COL8A1: variants seen among roughly 807,000 people sequenced by gnomAD.
The protein encoded by COL8A1 is collagen alpha-1(VIII) chain.
Under a neutral mutation model 42.7 loss-of-function variants are expected in COL8A1, and 21 were observed. That is an observed-to-expected ratio of 0.49 (90% CI 0.35 to 0.71). COL8A1 has a LOEUF of 0.71. COL8A1 is among the 30% of genes least tolerant of loss of function. The pLI is 0.01. For synonymous variants in COL8A1, 367 were observed against 369.1 expected (o/e 0.99, Z 0.06); for missense variants, 788 against 962.4 (o/e 0.82, Z 2.40).
intron 1 of COL8A1, among the ~76,000 whole-genome samples, chr3:99,651,554 A>G (rs1421554746): frequency 6.6e-6 from 1 of 152,254 alleles, no homozygotes; most frequent in African/African-American, 2.4e-5. Flanking sequence ...CTGGCTTACC[A>G]ACAGCCCTTC....
chr3:99,772,191 T>TCTTA (rs1941592720), intron 2 of COL8A1, among the ~76,000 whole-genome samples: 1 of 152,158 alleles, frequency 6.6e-6, no homozygotes, highest in Non-Finnish European at 1.5e-5. Context: ...CATGTAGGAA[T>TCTTA]CTTAAGTGCA....
intron 1 of COL8A1, among the ~76,000 whole-genome samples, chr3:99,718,734 T>C (rs929430070): frequency 2.0e-5 from 3 of 152,054 alleles, no homozygotes; most frequent in African/African-American, 7.2e-5. Context: ...AGATAAATGA[T>C]ATGGAATGTT....
chr3:99,646,219 A>T (rs1044823464), intron 1 of COL8A1, among the ~76,000 whole-genome samples: 4 of 152,016 alleles, frequency 2.6e-5, no homozygotes, highest in Non-Finnish European at 5.9e-5. Context: ...TTAGGACCAT[A>T]AAAAAAATCC....
intron 3 of COL8A1, among the ~76,000 whole-genome samples, chr3:99,792,011 G>C (rs924334320): frequency 6.6e-6 from 1 of 152,208 alleles, no homozygotes; most frequent in Non-Finnish European, 1.5e-5. Context: ...AGAACAGAGT[G>C]TGTTCCAGGC....
intron 2 of COL8A1, among the ~76,000 whole-genome samples, chr3:99,756,122 T>C (rs1053237211): frequency 1.3e-5 from 2 of 151,606 alleles, no homozygotes; most frequent in Non-Finnish European, 2.9e-5. Flanking sequence ...AGAAGAGATA[T>C]CGAGAATGTC....
intron 1 of COL8A1, among the ~76,000 whole-genome samples, chr3:99,699,966 G>T (rs1387221176): frequency 6.6e-6 from 1 of 152,140 alleles, no homozygotes; most frequent in Non-Finnish European, 1.5e-5. Flanking sequence ...ATAATTAGAT[G>T]AATAAAAAAC....
At chr3:99,785,259 C>A (rs572141797) in intron 2 of COL8A1, among the ~76,000 whole-genome samples, 1 of 152,232 alleles carries the variant, frequency 6.6e-6, no homozygotes, top group Non-Finnish European at 1.5e-5. Flanking sequence ...GTAGAATTTT[C>A]AATGGGGAGT....
intron 1 of COL8A1, among the ~76,000 whole-genome samples, chr3:99,740,788 A>G (rs1289779502): frequency 6.6e-6 from 1 of 152,356 alleles, no homozygotes; most frequent in African/African-American, 2.4e-5. Flanking sequence ...CTGTTCTGCT[A>G]TCATGTGCCC....
chr3:99,695,797 C>T lies in COL8A1; in HGVS notation c.-128-49100C>T, dbSNP rs904086212. ...TTCCTCGTTATATCTAGAATACTTG[C>T]CCCCAAGCCTGGCACATAAGAATCA... On this transcript the variant is annotated intron_variant, in intron 1 of 3. Transcript: ENST00000652472. Among the ~76,000 whole-genome samples, 4 of 152,126 alleles carry T rather than the reference C, an allele frequency of 2.6e-5. No homozygotes were observed. The South Asian group carries it at 8.3e-4, about 32-fold the overall frequency.
intron 2 of COL8A1, among the ~76,000 whole-genome samples, chr3:99,770,945 A>C (rs1215387516): frequency 6.6e-6 from 1 of 152,230 alleles, no homozygotes; most frequent in Non-Finnish European, 1.5e-5. Context: ...CAGAGTGGTC[A>C]AGGAAGTCTT....
chr3:99,654,084 C>G (rs1189501744), intron 1 of COL8A1, among the ~76,000 whole-genome samples: 1 of 152,140 alleles, frequency 6.6e-6, no homozygotes, highest in African/African-American at 2.4e-5. Context: ...AAGTCCAAGA[C>G]TCCAAAAGCT....
chr3:99,702,631 C>T lies in COL8A1; in HGVS notation c.-128-42266C>T, dbSNP rs560078912. Reference sequence around the variant, plus strand: ...AATGTCAGGTGTATCAGGTACTATTCTAAGTACTTTTATTCATTCATTTAT... The same window carrying T: ...AATGTCAGGTGTATCAGGTACTATTTTAAGTACTTTTATTCATTCATTTAT... On this transcript the variant is annotated intron_variant, in intron 1 of 3. Coordinates refer to ENST00000652472, the MANE Select transcript of COL8A1 (RefSeq NM_020351.4). Among the ~76,000 whole-genome samples, 5 of 152,284 alleles carry T rather than the reference C, an allele frequency of 3.3e-5. No individual in the cohort carries two copies. In the East Asian group the frequency reaches 9.7e-4, roughly 29 times the overall value.
intron 2 of COL8A1, among the ~76,000 whole-genome samples, chr3:99,782,026 A>C (rs1275126342): frequency 6.6e-6 from 1 of 152,184 alleles, no homozygotes; most frequent in African/African-American, 2.4e-5. Context: ...TGACTGCAGG[A>C]ATTTTTGAGC....
intron 1 of COL8A1, among the ~76,000 whole-genome samples, chr3:99,725,873 A>C (rs532535001): frequency 6.6e-6 from 1 of 152,084 alleles, no homozygotes; most frequent in South Asian, 2.1e-4. Flanking sequence ...CGCAATAAAC[A>C]TACGTGTGCA....
intron 1 of COL8A1, among the ~76,000 whole-genome samples, chr3:99,692,135 TCA>T (rs1274304388): frequency 1.3e-5 from 2 of 151,908 alleles, no homozygotes; most frequent in Admixed American, 1.3e-4. Context: ...CAACCCCTAC[TCA>T]CACACACCAA....
At chr3:99,652,574 T>C (rs922340685) in intron 1 of COL8A1, among the ~76,000 whole-genome samples, 2 of 152,146 alleles carry the variant, frequency 1.3e-5, no homozygotes, top group Non-Finnish European at 2.9e-5. Flanking sequence ...CATCCAGAAA[T>C]AGTTTGGAGC....
At chr3:99,707,638 A>G (rs1049976056) in intron 1 of COL8A1, among the ~76,000 whole-genome samples, 2 of 152,204 alleles carry the variant, frequency 1.3e-5, no homozygotes, top group African/African-American at 2.4e-5. Flanking sequence ...GAGGATCTAC[A>G]TGATTGGGCC....
intron 2 of COL8A1, among the ~76,000 whole-genome samples, chr3:99,760,280 T>C (rs959355272): frequency 6.6e-6 from 1 of 152,156 alleles, no homozygotes; most frequent in African/African-American, 2.4e-5. Context: ...TTTGAGGAAT[T>C]CCTGGTCTCC....
chr3:99,752,679 A>G (rs1312366322), intron 2 of COL8A1, among the ~76,000 whole-genome samples: 2 of 150,758 alleles, frequency 1.3e-5, no homozygotes, highest in African/African-American at 2.4e-5. Context: ...ATTCTCCCTC[A>G]CGCCCCCCAC....
Sources: gnomAD v4.1 joint callset for allele counts (sites outside exome capture counted in the v4.1 genomes callset) on GRCh38, gnomAD v4.1.1 for gene constraint, MANE v1.5 for transcripts, NCBI Gene and HGNC (gene_info 2026-07-23, HGNC 2026-07-21) for gene names.